CNTNAP2: variants seen among roughly 807,000 people sequenced by gnomAD.
CNTNAP2 encodes the protein contactin-associated protein-like 2.
A neutral mutation model predicts 155.2 loss-of-function variants in CNTNAP2; 98 were observed. The ratio of observed to expected loss-of-function variants is 0.63; its 90% CI spans 0.54 to 0.75. The LOEUF is 0.75. Among genes scored for constraint, CNTNAP2 ranks in the 30% least tolerant of loss-of-function variants. The pLI, the probability that CNTNAP2 is intolerant of heterozygous loss-of-function variation, is 0.00. For synonymous variants in CNTNAP2, 651 were observed against 631.2 expected (o/e 1.03, Z -0.47); for missense variants, 1,727 against 1,688.1 (o/e 1.02, Z -0.40).
chr7:147,058,525 C>T (rs534345525), intron 4 of CNTNAP2, among the ~76,000 whole-genome samples: 1 of 152,258 alleles, frequency 6.6e-6, no homozygotes, highest in Non-Finnish European at 1.5e-5. Flanking sequence ...TTCTCTAAAA[C>T]AGAGCAAACA....
intron 13 of CNTNAP2, among the ~76,000 whole-genome samples, chr7:147,818,313 A>G (rs542048895): frequency 6.6e-6 from 1 of 152,356 alleles, no homozygotes; most frequent in South Asian, 2.1e-4. Context: ...ACAGTCTTCA[A>G]TCAAGAACAT....
intron 4 of CNTNAP2, among the ~76,000 whole-genome samples, chr7:147,099,022 C>G (rs552144108): frequency 4.6e-5 from 7 of 152,244 alleles, no homozygotes; most frequent in Admixed American, 2.6e-4. Context: ...GCACCAGGAT[C>G]TGTCAGGAGG....
chr7:146,949,471 C>T (rs1167233589), intron 3 of CNTNAP2, among the ~76,000 whole-genome samples: 1 of 152,170 alleles, frequency 6.6e-6, no homozygotes, highest in Non-Finnish European at 1.5e-5. Context: ...GGTTTTGACT[C>T]TGATCTGAAA....
intron 13 of CNTNAP2, among the ~76,000 whole-genome samples, chr7:147,766,681 C>A (rs1797388511): frequency 1.3e-5 from 2 of 152,032 alleles, no homozygotes; most frequent in African/African-American, 4.8e-5. Flanking sequence ...TTTGCTTAAG[C>A]TAATTCGTAT....
intron 13 of CNTNAP2, among the ~76,000 whole-genome samples, chr7:147,837,174 T>C (rs1563106177): frequency 1.3e-5 from 2 of 151,832 alleles, no homozygotes; most frequent in Non-Finnish European, 2.9e-5. Context: ...AAGAAAGAGG[T>C]TTAATGGACT....
chr7:147,127,092 G>C lies in CNTNAP2; in HGVS notation c.940-1601G>C, dbSNP rs1584860399. On this transcript the variant is annotated intron_variant, in intron 6 of 23. Transcript: ENST00000361727. ...CAGTTGGGGAAAAATTGTTCAAAAA[G>C]ATTGTAAACAGGAGACGTAGTACTC... 3.3e-5 allele frequency among the ~76,000 whole-genome samples: 5 copies of C among 152,130 alleles called. No homozygotes were observed. In the South Asian group the frequency reaches 6.2e-4, roughly 19 times the overall value.
intron 4 of CNTNAP2, among the ~76,000 whole-genome samples, chr7:147,093,098 G>A (rs1030554297): frequency 6.6e-5 from 10 of 150,962 alleles, no homozygotes; most frequent in Non-Finnish European, 8.9e-5. Flanking sequence ...TATATTAGCC[G>A]GGCGTGGTGG....
intron 2 of CNTNAP2, among the ~76,000 whole-genome samples, chr7:146,836,913 T>C (rs889162490): frequency 6.6e-6 from 1 of 152,110 alleles, no homozygotes; most frequent in Non-Finnish European, 1.5e-5. Context: ...TTATCTTTCC[T>C]TTTCATCATG....
At chr7:148,315,549 G>A (rs1053505179) in intron 21 of CNTNAP2, among the ~76,000 whole-genome samples, 3 of 152,234 alleles carry the variant, frequency 2.0e-5, no homozygotes, top group Middle Eastern at 3.4e-3. Context: ...GGCAGGAACC[G>A]GCCATCTGGA....
chr7:147,029,461 T>G (rs116503831), intron 3 of CNTNAP2, among the ~76,000 whole-genome samples: 3,259 of 151,938 alleles, frequency 0.021, 131 homozygotes, highest in African/African-American at 0.074. Flanking sequence ...AGGGAAAAAC[T>G]GAGCAAACAC....
intron 10 of CNTNAP2, among the ~76,000 whole-genome samples, chr7:147,441,051 C>G (rs77470250): frequency 0.012 from 1,857 of 152,056 alleles, 33 homozygotes; most frequent in African/African-American, 0.042. Context: ...TGAATAAACC[C>G]TCTACCCCTG....
In CNTNAP2 at chr7:146,482,402, TA is replaced by T. The variant is rs1177508626; in HGVS notation, c.98-291868del. Among the ~76,000 whole-genome samples the T allele has an allele frequency of 4.6e-5, 4 of 87,584 alleles. No individual in the cohort carries two copies. The African/African-American group carries it at 4.9e-4, about 11-fold the overall frequency. 57.5% of individuals were successfully genotyped at this position (87,584 alleles called of 152,430 possible). ...TATATGTATGTGTGTGTGTGTATTA[TA>T]TATATATATATATATATCTGTGCAT... On this transcript the variant is annotated intron_variant, in intron 1 of 23. Coordinates refer to ENST00000361727, the MANE Select transcript of CNTNAP2 (RefSeq NM_014141.6).
At chr7:147,580,489 T>A (rs1027339151) in intron 12 of CNTNAP2, among the ~76,000 whole-genome samples, 15 of 152,244 alleles carry the variant, frequency 9.9e-5, no homozygotes, top group Non-Finnish European at 1.5e-4. Context: ...AAATTTTTTT[T>A]AATTGGGTTC....
rs553093360 is a variant in CNTNAP2, at chr7:147,222,184, G to C, written c.1349-77957G>C. Among the ~76,000 whole-genome samples the C allele has an allele frequency of 1.6e-4, 24 of 151,772 alleles. No homozygotes were observed. In the South Asian group the frequency reaches 5.0e-3, roughly 32 times the overall value. ...TCATTCTTGTTTGAAATATTTATTT[G>C]GTTCATCTGTCTCTTCTCTTTCTTG... On this transcript the variant is annotated intron_variant, in intron 8 of 23. Coordinates refer to ENST00000361727, the MANE Select transcript of CNTNAP2 (RefSeq NM_014141.6).
At chr7:148,247,838 G>C (rs766488650) in intron 20 of CNTNAP2, among the ~76,000 whole-genome samples, 3 of 151,606 alleles carry the variant, frequency 2.0e-5, no homozygotes, top group Admixed American at 6.6e-5. Flanking sequence ...ATTTTTAGTA[G>C]AGATGAAGTT....
In CNTNAP2 at chr7:147,793,378, G is replaced by A. The variant is rs1247554553; in HGVS notation, c.2099-110187G>A. Among the ~76,000 whole-genome samples the A allele has an allele frequency of 3.9e-5, 6 of 151,914 alleles. 1 individual carries two copies. The highest frequency in any genetic ancestry group is 3.2e-3 in the Middle Eastern group (1 of 316). On this transcript the variant is annotated intron_variant, in intron 13 of 23. Coordinates refer to ENST00000361727, the MANE Select transcript of CNTNAP2 (RefSeq NM_014141.6). ...AATTTTGTATATGGTGTGAGATAGG[G>A]GTCAAACTTTATACTTTTGCATGTG...
chr7:147,713,727 A>G (rs1414283656), intron 13 of CNTNAP2, among the ~76,000 whole-genome samples: 1 of 152,122 alleles, frequency 6.6e-6, no homozygotes, highest in African/African-American at 2.4e-5. Flanking sequence ...ACTGTTTTCT[A>G]TGGTGGTGTA....
chr7:147,458,901 T>G (rs546019493), intron 10 of CNTNAP2, among the ~76,000 whole-genome samples: 63 of 152,254 alleles, frequency 4.1e-4, no homozygotes, highest in Non-Finnish European at 7.3e-4. Context: ...TTGACTTCAT[T>G]TCTCATATGT....
intron 1 of CNTNAP2, among the ~76,000 whole-genome samples, chr7:146,751,145 A>G (rs116668344): frequency 0.015 from 2,233 of 152,278 alleles, 61 homozygotes; most frequent in African/African-American, 0.051. Flanking sequence ...TTGTGCAGAT[A>G]TATTAATAAA....
Sources: gnomAD v4.1 joint callset for allele counts (sites outside exome capture counted in the v4.1 genomes callset) on GRCh38, gnomAD v4.1.1 for gene constraint, MANE v1.5 for transcripts, NCBI Gene and HGNC (gene_info 2026-07-23, HGNC 2026-07-21) for gene names.